Variants in AKAP9 observed in about 807,000 individuals in gnomAD.
AKAP9 encodes the protein A-kinase anchor protein 9.
A neutral mutation model predicts 488.5 loss-of-function variants in AKAP9; 311 were observed. The ratio of observed to expected loss-of-function variants is 0.64; its 90% confidence interval spans 0.58 to 0.70. The LOEUF (loss-of-function observed/expected upper bound fraction) is 0.70, where lower values mean the gene tolerates loss of function less well. Among genes scored for constraint, AKAP9 ranks in the 30% least tolerant of loss-of-function variants. The pLI is 0.00. For missense variants in AKAP9, 4,215 were observed against 4,374.5 expected (o/e 0.96, Z 1.03); for synonymous variants, 1,462 against 1,483.5 (o/e 0.99, Z 0.33).
intron 16 of AKAP9, among the ~76,000 whole-genome samples, chr7:92,032,786 T>C (rs1019275453): frequency 1.3e-5 from 2 of 152,106 alleles, no homozygotes; most frequent in African/African-American, 2.4e-5. Context: ...GCTTTCAATG[T>C]CTAGTTCTTG....
At position 92,097,425 on chromosome 7, in the gene AKAP9, G is replaced by C. The variant is rs899869007; in HGVS notation, c.10398+68G>C. On this transcript the variant is annotated intron_variant, in intron 41 of 49. Coordinates refer to ENST00000356239, the MANE Select transcript of AKAP9 (RefSeq NM_005751.5). ...TGCAGCCCTTTGATCATTAAATTTT[G>C]ATATTGGATTAAATTACTTAAATAG... The C allele has an allele frequency of 3.2e-6, 5 of 1,568,158 alleles. No individual in the cohort carries two copies. In the African/African-American group the frequency reaches 6.9e-5, roughly 22 times the overall value.
At position 91,941,882 on chromosome 7, in the gene AKAP9, TTG is replaced by T. The variant is rs10700954; in HGVS notation, c.48+764_48+765del. On this transcript the variant is annotated intron_variant, in intron 1 of 49. Transcript: ENST00000356239. ...TATATATCTCTCTGGCGAATCCTGGTTGTGTGTGTGTGTGTGTGTGTGTGTGT... is the reference window on the plus strand; with the variant it reads ...TATATATCTCTCTGGCGAATCCTGGTTGTGTGTGTGTGTGTGTGTGTGTGT... 1.8e-3 allele frequency among the ~76,000 whole-genome samples: 269 copies of T among 147,758 alleles called. 1 individual carries two copies. The highest frequency in any genetic ancestry group is 3.4e-3 in the Middle Eastern group (1 of 290).
chr7:92,108,573 C>T lies in AKAP9; in HGVS notation c.11626C>T (p.Leu3876=), dbSNP rs779776032. The change falls in exon 49 of 50, where the codon CTA becomes TTA. Residue 3876 remains leucine, a synonymous_variant. Coordinates refer to ENST00000356239, the MANE Select transcript of AKAP9 (RefSeq NM_005751.5). ...TCAGAATTACGATCCTGACAGAGCC[C>T]TAACAGATTATATCACTCGGCTAGA... ...QLQNYDPDRA[L]TDYITRLEAL... is the part of the protein sequence containing the mutation. The T allele has an allele frequency of 2.8e-5, 45 of 1,614,028 alleles. 1 individual carries two copies. The South Asian group carries it at 4.8e-4, about 17-fold the overall frequency.
In AKAP9 at chr7:92,001,110, TG is replaced by T. The variant is rs1210166193; in HGVS notation, c.1197del (p.Thr400GlnfsTer19). 1.2e-6 allele frequency: 2 copies of T among 1,613,886 alleles called. No homozygotes were observed. The highest frequency in any genetic ancestry group is 1.7e-6 in the Non-Finnish European group (2 of 1,179,932). Reference protein sequence around the residue: ...RQSSEEIKQLMGTVEELQKRN... With the variant: ...RQSSEEIKQLXGTVEELQKRN... Reference sequence around the variant, plus strand: ...TCTTCTGAAGAAATAAAACAGTTAATGGGGACAGTCGAAGAACTTCAGAAGA... The same window carrying T: ...TCTTCTGAAGAAATAAAACAGTTAATGGGACAGTCGAAGAACTTCAGAAGA... On this transcript the variant is annotated frameshift_variant, in exon 8 of 50. Transcript: ENST00000356239. LOFTEE classifies it high-confidence loss of function.
chr7:92,039,632 TAATA>T (rs1473637989), intron 17 of AKAP9, among the ~76,000 whole-genome samples: 4 of 152,182 alleles, frequency 2.6e-5, no homozygotes, highest in African/African-American at 9.6e-5. Flanking sequence ...AATTTTTTAT[TAATA>T]TTCAGGATAG....
At chr7:92,088,361 G>A (rs925646393) in intron 37 of AKAP9, among the ~76,000 whole-genome samples, 2 of 152,158 alleles carry the variant, frequency 1.3e-5, no homozygotes, top group African/African-American at 4.8e-5. Context: ...GTGACAGCAA[G>A]TACTGGAGAG....
chr7:91,988,705 G>C (rs1041738914), intron 3 of AKAP9, among the ~76,000 whole-genome samples: 4 of 151,994 alleles, frequency 2.6e-5, no homozygotes, highest in Non-Finnish European at 5.9e-5. Context: ...AAGAGCAGGG[G>C]GACTTTGGAG....
intron 48 of AKAP9, among the ~76,000 whole-genome samples, chr7:92,108,201 A>T (rs1380554057): frequency 6.6e-6 from 1 of 152,202 alleles, no homozygotes; most frequent in Non-Finnish European, 1.5e-5. Context: ...TACTCTGATC[A>T]TTATGAAAAG....
At chr7:91,998,329 T>C (rs1798668041) in intron 7 of AKAP9, among the ~76,000 whole-genome samples, 1 of 149,034 alleles carries the variant, frequency 6.7e-6, no homozygotes, top group South Asian at 2.2e-4. Flanking sequence ...ATTGTCCTAA[T>C]CCTCCAAACT....
chr7:91,943,882 G>A (rs914273466), intron 1 of AKAP9, among the ~76,000 whole-genome samples: 1 of 152,120 alleles, frequency 6.6e-6, no homozygotes, highest in Admixed American at 6.6e-5. Context: ...ACTTCATTCT[G>A]CAAATGTCTC....
intron 14 of AKAP9, among the ~76,000 whole-genome samples, chr7:92,024,021 C>G (rs1802706750): frequency 1.3e-5 from 2 of 152,024 alleles, no homozygotes; most frequent in African/African-American, 4.8e-5. Context: ...TCCTAGAATG[C>G]TGATTCCTAT....
chr7:92,019,670 A>G (rs1049706200), intron 12 of AKAP9, among the ~76,000 whole-genome samples: 28 of 150,938 alleles, frequency 1.9e-4, no homozygotes, highest in Admixed American at 1.5e-3. Context: ...ACATATGCAT[A>G]TATAAAATAG....
At chr7:92,082,854 A>T (rs1813822655) in intron 32 of AKAP9, among the ~76,000 whole-genome samples, 192 bp downstream of exon 32, 1 of 152,150 alleles carries the variant, frequency 6.6e-6, no homozygotes, top group African/African-American at 2.4e-5. Context: ...TTTCCTGGAA[A>T]TCTTTCTTAG....
At chr7:92,058,205 G>T (rs557964095) in intron 22 of AKAP9, 1 of 593,668 alleles carries the variant, frequency 1.7e-6, no homozygotes, top group South Asian at 1.4e-5. Flanking sequence ...AACTGTCAAA[G>T]TCAGTGGCTC....
At chr7:91,980,495 C>CTTTTTTTTTTTTATTTTTTTTTT in intron 3 of AKAP9, among the ~76,000 whole-genome samples, 162 bp downstream of exon 3, 1 of 48,756 alleles carries the variant, frequency 2.1e-5, no homozygotes, top group Non-Finnish European at 3.3e-5. Context: ...GTATTACTGA[C>CTTTTTTTTTTTTATTTTTTTTTT]TTTTTTTTTT....
chr7:92,046,114 G>T (rs959160864), intron 21 of AKAP9, among the ~76,000 whole-genome samples: 35 of 152,184 alleles, frequency 2.3e-4, no homozygotes, highest in Admixed American at 1.5e-3. Flanking sequence ...GATTACAGGC[G>T]TGAGCCACCA....
chr7:92,041,946 G>A, intron 18 of AKAP9, 100 bp from the exon 19 acceptor site: 1 of 1,252,674 alleles, frequency 8.0e-7, no homozygotes, highest in South Asian at 1.3e-5. Context: ...AGTAGAACCA[G>A]GGCCTGTTGG....
chr7:92,083,674 ATG>A lies in AKAP9; in HGVS notation c.8646+23_8646+24del, dbSNP rs756209670. On this transcript the variant is annotated intron_variant, in intron 33 of 49. Coordinates refer to ENST00000356239, the MANE Select transcript of AKAP9 (RefSeq NM_005751.5). Reference sequence around the variant, plus strand: ...TAAAGAGGTATTTGGTTTTTATAATATGTGTTTTTCAACATTGTGTGGTTTTT... The same window carrying A: ...TAAAGAGGTATTTGGTTTTTATAATATGTTTTTCAACATTGTGTGGTTTTT... The A allele has an allele frequency of 4.4e-6, 7 of 1,607,468 alleles. No homozygotes were observed. Among genetic ancestry groups the A allele is most frequent in the Non-Finnish European group, 5.1e-6 (6 of 1,178,422 alleles).
chr7:92,100,712 C>G, intron 44 of AKAP9, 144 bp from the exon 45 acceptor site: 2 of 856,488 alleles, frequency 2.3e-6, no homozygotes, highest in Non-Finnish European at 3.9e-6. Flanking sequence ...AGTGTATATG[C>G]GTAATGTCAA....
Sources: allele counts gnomAD v4.1 joint callset (sites outside exome capture counted in the v4.1 genomes callset), GRCh38; gene constraint gnomAD v4.1.1; transcripts MANE v1.5; gene names NCBI Gene and HGNC (gene_info 2026-07-23, HGNC 2026-07-21).